The following SV2C variants were observed in gnomAD, a reference collection of about 807,000 sequenced individuals.
The protein encoded by SV2C is synaptic vesicle glycoprotein 2C.
SV2C carries 49 observed loss-of-function variants against 79.7 expected under a neutral mutation model. The observed-to-expected ratio is 0.61, with a 90% CI of 0.49 to 0.78. SV2C has a LOEUF of 0.78. Among genes scored for constraint, SV2C ranks in the 30% least tolerant of loss-of-function variants. The pLI, the probability that SV2C is intolerant of heterozygous loss-of-function variation, is 0.00. For missense variants in SV2C, 833 were observed against 912.9 expected, an observed-to-expected ratio of 0.91 and a Z score of 1.13; for synonymous variants, 334 against 333.2, an observed-to-expected ratio of 1.00 and a Z score of -0.03.
At chr5:76,259,328 C>T (rs10060078) in intron 4 of SV2C, among the ~76,000 whole-genome samples, 15,515 of 152,204 alleles carry the variant, frequency 0.1, 899 homozygotes, top group South Asian at 0.17. Flanking sequence ...ACACTTGCCC[C>T]GTGTCCTCAC....
At chr5:75,876,020 A>C in the SV2C span, among the ~76,000 whole-genome samples, 2 of 152,132 alleles carry the variant, frequency 1.3e-5, no homozygotes, top group African/African-American at 4.8e-5. Flanking sequence ...GCAACTCCTC[A>C]AAGAGCTAAA....
chr5:76,242,326 G>A (rs1214194424), intron 4 of SV2C: 2 of 1,452,840 alleles, frequency 1.4e-6, no homozygotes, highest in South Asian at 1.1e-5. Context: ...CGGGACATAG[G>A]TGCTGGACGC....
the SV2C span, among the ~76,000 whole-genome samples, chr5:75,979,169 A>G: frequency 6.6e-6 from 1 of 152,292 alleles, no homozygotes; most frequent in East Asian, 1.9e-4. Context: ...GTTCAATTCA[A>G]CAAGATGATC....
At chr5:76,159,577 C>T (rs1742838830) in intron 2 of SV2C, among the ~76,000 whole-genome samples, 1 of 152,094 alleles carries the variant, frequency 6.6e-6, no homozygotes, top group Non-Finnish European at 1.5e-5. Flanking sequence ...AGAATCCTTC[C>T]TTTCCTTTTC....
At chr5:76,176,351 A>G (rs917133649) in intron 2 of SV2C, among the ~76,000 whole-genome samples, 1 of 152,198 alleles carries the variant, frequency 6.6e-6, no homozygotes, top group African/African-American at 2.4e-5. Flanking sequence ...GAGCTTTATT[A>G]ATCAGCCATA....
chr5:76,161,257 A>G (rs1485495154), intron 2 of SV2C, among the ~76,000 whole-genome samples: 1 of 152,156 alleles, frequency 6.6e-6, no homozygotes, highest in Non-Finnish European at 1.5e-5. Flanking sequence ...AGGGAAGGAA[A>G]CCAGTCACAA....
chr5:75,886,049 C>G, the SV2C span, among the ~76,000 whole-genome samples: 16 of 152,222 alleles, frequency 1.1e-4, no homozygotes, highest in East Asian at 5.8e-4. Context: ...GGCCTCTATA[C>G]TGTTTGCATG....
intron 1 of SV2C, among the ~76,000 whole-genome samples, chr5:76,110,882 A>G (rs6889078): frequency 0.032 from 4,827 of 152,310 alleles, 277 homozygotes; most frequent in African/African-American, 0.11. Context: ...AGAGAGAACA[A>G]GATTCAGAGC....
intron 2 of SV2C, among the ~76,000 whole-genome samples, chr5:76,166,237 C>A (rs1384226681): frequency 2.0e-5 from 3 of 152,164 alleles, no homozygotes; most frequent in African/African-American, 7.2e-5. Flanking sequence ...CACATAATGA[C>A]ACAGTAGCTT....
intron 1 of SV2C, among the ~76,000 whole-genome samples, chr5:76,085,999 G>A (rs1747182938): frequency 6.6e-6 from 1 of 152,024 alleles, no homozygotes; most frequent in African/African-American, 2.4e-5. Context: ...GCTACTGACT[G>A]TCTGGAGAAG....
chr5:76,063,430 TAA>T, the SV2C span, among the ~76,000 whole-genome samples: 1 of 152,248 alleles, frequency 6.6e-6, no homozygotes, highest in East Asian at 1.9e-4. Context: ...TATTTACTGG[TAA>T]AAGTGTCAGT....
At chr5:75,941,681 T>TC in the SV2C span, among the ~76,000 whole-genome samples, 1 of 152,242 alleles carries the variant, frequency 6.6e-6, no homozygotes, top group Non-Finnish European at 1.5e-5. Context: ...TTGTCTTTTG[T>TC]TATAATGTTG....
chr5:75,860,688 TATA>T, the SV2C span, among the ~76,000 whole-genome samples: 2 of 152,124 alleles, frequency 1.3e-5, no homozygotes, highest in Non-Finnish European at 2.9e-5. Flanking sequence ...AACTTCAAAC[TATA>T]TTATAAGGCT....
At chr5:75,963,070 G>A in the SV2C span, among the ~76,000 whole-genome samples, 1 of 152,098 alleles carries the variant, frequency 6.6e-6, no homozygotes, top group African/African-American at 2.4e-5. Context: ...GAGACTTGAG[G>A]AAAGGCATGG....
the SV2C span, among the ~76,000 whole-genome samples, chr5:75,939,665 A>G: frequency 6.6e-6 from 1 of 152,112 alleles, no homozygotes; most frequent in Admixed American, 6.6e-5. Context: ...TCTCCGTCTA[A>G]TTGTGCGATA....
chr5:76,112,499 G>A (rs562506899), intron 1 of SV2C, among the ~76,000 whole-genome samples: 4 of 152,122 alleles, frequency 2.6e-5, no homozygotes, highest in African/African-American at 9.7e-5. Context: ...CCAAGGGGAT[G>A]GGGGGGAGGA....
chr5:76,270,860 C>T (rs1408163886), intron 4 of SV2C, among the ~76,000 whole-genome samples: 2 of 151,932 alleles, frequency 1.3e-5, no homozygotes, highest in South Asian at 2.1e-4. Flanking sequence ...TCTCTGCCTC[C>T]CGGGTTAAAA....
intron 4 of SV2C, among the ~76,000 whole-genome samples, chr5:76,252,097 C>T (rs1030961418): frequency 1.3e-5 from 2 of 152,076 alleles, no homozygotes; most frequent in Non-Finnish European, 2.9e-5. Context: ...ACTCACTGTC[C>T]AAGGAGTATA....
chr5:75,865,903 G>C, the SV2C span, among the ~76,000 whole-genome samples: 1 of 152,196 alleles, frequency 6.6e-6, no homozygotes, highest in African/African-American at 2.4e-5. Flanking sequence ...CACATGAATG[G>C]AGTGGCCTTG....
Sources: allele counts gnomAD v4.1 joint callset (sites outside exome capture counted in the v4.1 genomes callset), GRCh38; gene constraint gnomAD v4.1.1; transcripts MANE v1.5; gene names NCBI Gene and HGNC (gene_info 2026-07-23, HGNC 2026-07-21).